Variants in IMPDH2 observed in about 807,000 individuals in gnomAD.
IMPDH2 encodes the protein inosine-5'-monophosphate dehydrogenase 2.
A neutral mutation model predicts 57.8 loss-of-function variants in IMPDH2; 33 were observed. The ratio of observed to expected loss-of-function variants is 0.57; its 90% CI spans 0.43 to 0.76. The LOEUF (loss-of-function observed/expected upper bound fraction) is 0.76, where lower values mean the gene tolerates loss of function less well. IMPDH2 is among the 30% of genes least tolerant of loss of function. The pLI, the probability that IMPDH2 is intolerant of heterozygous loss-of-function variation, is 0.00. For synonymous variants in IMPDH2, 270 were observed against 241.3 expected (o/e 1.12, Z -1.10); for missense variants, 446 against 659.1 (o/e 0.68, Z 3.54).
intron 4 of IMPDH2, 30 bp downstream of exon 4, chr3:49,028,218 G>A (rs1004472994): frequency 1.3e-6 from 2 of 1,581,194 alleles, no homozygotes; most frequent in African/African-American, 1.3e-5. Context: ...ATTCCCAGGA[G>A]CGCTTGCTAA....
At position 49,028,766 on chromosome 3, in the gene IMPDH2, C is replaced by T; in HGVS notation, c.139G>A (p.Asp47Asn). The change falls in exon 2 of 14, where the codon GAC becomes AAC. Residue 47 changes from aspartate to asparagine, a missense_variant. Transcript: ENST00000326739. ...ILPGYIDFTA[D>N]QVDLTSALTK... ...TTCCTGATCATACTCACCACCTGGT[C>T]TGCAGTGAAGTCGATGTACCCAGGG... 1 of 1,613,536 alleles carries T rather than the reference C, an allele frequency of 6.2e-7. No homozygotes were observed. Among genetic ancestry groups the T allele is most frequent in the Non-Finnish European group, 8.5e-7 (1 of 1,179,442 alleles).
chr3:49,025,924 C>T (rs2093196627), intron 9 of IMPDH2: 2 of 460,840 alleles, frequency 4.3e-6, no homozygotes, highest in Admixed American at 2.3e-5. Context: ...ACCCCGGGAG[C>T]TACAGCTACG....
intron 9 of IMPDH2, 168 bp from the exon 10 acceptor site, chr3:49,025,437 A>G: frequency 1.4e-6 from 1 of 706,092 alleles, no homozygotes; most frequent in South Asian, 1.6e-5. Flanking sequence ...TGCCTTAAAT[A>G]GTACAAACAG....
chr3:49,029,327 C>T lies in IMPDH2; in HGVS notation c.24G>A (p.Gly8=), dbSNP rs1206116794. 6.2e-7 allele frequency: 1 copy of T among 1,602,852 alleles called. No individual in the cohort carries two copies. The highest frequency in any genetic ancestry group is 8.5e-7 in the Non-Finnish European group (1 of 1,174,822). The part of the protein sequence containing the change: MADYLIS[G]GTSYVPDDGL... The stretch of plus-strand genomic sequence containing the variant: ...CGTCGTCTGGCACGTAGGACGTGCC[C>T]CCACTAATCAGGTAGTCGGCCATGG... Residue 8 remains glycine (G), a synonymous_variant, in exon 1 of 14, where the codon GGG becomes GGA. Coordinates refer to ENST00000326739, the MANE Select transcript of IMPDH2 (RefSeq NM_000884.3).
In IMPDH2 at chr3:49,026,786, G is replaced by A. The variant is rs11557544; in HGVS notation, c.720C>T (p.Ala240=). ...NRDYPLASKD[A]KKQLLCGAAI... is the part of the protein sequence containing the mutation. ...CTGCCCCACACAGCAGCTGTTTCTT[G>A]GCATCTTTGGAGGCTAGTGGGTAGT... Residue 240 remains alanine (A), a synonymous_variant, in exon 7 of 14, where the codon GCC becomes GCT. Transcript: ENST00000326739. 1 of 1,614,186 alleles carries A rather than the reference G, an allele frequency of 6.2e-7. No homozygotes were observed. The highest frequency in any genetic ancestry group is 8.5e-7 in the Non-Finnish European group (1 of 1,180,020).
In IMPDH2 at chr3:49,027,870, T is replaced by C. The variant is rs1364480763; in HGVS notation, c.371A>G (p.Lys124Arg). The C allele has an allele frequency of 6.2e-7, 1 of 1,614,198 alleles. No individual in the cohort carries two copies. Among genetic ancestry groups the C allele is most frequent in the Non-Finnish European group, 8.5e-7 (1 of 1,180,020 alleles). ...FITDPVVLSP[K>R]DRVRDVFEAK... The stretch of plus-strand genomic sequence containing the variant: ...CTCAAAAACATCCCGCACGCGATCC[T>C]TGGGGCTGAGGACCACAGGGTCTGT... Residue 124 changes from lysine to arginine, a missense_variant, in exon 5 of 14, where the codon AAG (lysine) becomes AGG (arginine). Transcript: ENST00000326739.
Position 49,027,700 on chromosome 3 carries a change from T to A in IMPDH2, c.531+10A>T. ...CTAGAGCTTGGATCTACTCTGCCAG[T>A]GGCACCCACCTCTTCCAAGAAACAG... On this transcript the variant is annotated intron_variant, in intron 5 of 13. Coordinates refer to ENST00000326739, the MANE Select transcript of IMPDH2 (RefSeq NM_000884.3). 6.2e-7 allele frequency: 1 copy of A among 1,612,816 alleles called. No individual in the cohort carries two copies. Among genetic ancestry groups the A allele is most frequent in the South Asian group, 1.1e-5 (1 of 91,050 alleles).
In IMPDH2 at chr3:49,026,885, T is replaced by C. The variant is rs960431347; in HGVS notation, c.621A>G (p.Gly207=). The change falls in exon 7 of 14, where the codon GGA becomes GGG. Residue 207 remains glycine (G), a splice_region_variant and synonymous_variant. Coordinates refer to ENST00000326739, the MANE Select transcript of IMPDH2 (RefSeq NM_000884.3). ...ANEILQRSKK[G]KLPIVNEDDE... is the part of the protein sequence containing the mutation. ...CATCTTCATTTACAATGGGCAACTT[T>C]CCTGTGGTCAGGGCAGGACATGAAT... 3.7e-6 allele frequency: 6 copies of C among 1,614,194 alleles called. No homozygotes were observed. The South Asian group carries it at 6.6e-5, about 18-fold the overall frequency.
intron 1 of IMPDH2, 81 bp downstream of exon 1, chr3:49,029,172 C>T: frequency 1.7e-6 from 2 of 1,150,278 alleles, no homozygotes; most frequent in Non-Finnish European, 1.3e-6. Context: ...ACGCCCAAGG[C>T]GGCTCTCGGA....
At chr3:49,026,911 C>T (rs1156938279) in intron 6 of IMPDH2, 25 bp from the exon 7 acceptor site, 5 of 1,613,858 alleles carry the variant, frequency 3.1e-6, no homozygotes, top group Non-Finnish European at 3.4e-6. Flanking sequence ...GGACATGAAT[C>T]AGGACCCTAG....
chr3:49,027,125 G>C, intron 5 of IMPDH2, 78 bp from the exon 6 acceptor site: 1 of 1,153,706 alleles, frequency 8.7e-7, no homozygotes, highest in Non-Finnish European at 1.3e-6. Context: ...TTCCCAAGTA[G>C]CTGAGCTCAG....
In IMPDH2 at chr3:49,024,417, G is replaced by GA; in HGVS notation, c.1524-14_1524-13insT. On this transcript the variant is annotated splice_polypyrimidine_tract_variant and intron_variant, in intron 13 of 13. Coordinates refer to ENST00000326739, the MANE Select transcript of IMPDH2 (RefSeq NM_000884.3). Reference sequence around the variant, plus strand: ...CCGCTTCTCATACCTGCAGGCAGAAGGACCACCTGTGAGGTGAGGGCAGGA... The same window carrying GA: ...CCGCTTCTCATACCTGCAGGCAGAAGAGACCACCTGTGAGGTGAGGGCAGGA... 2 of 1,614,166 alleles carry GA rather than the reference G, an allele frequency of 1.2e-6. No homozygotes were observed. Among genetic ancestry groups the GA allele is most frequent in the Non-Finnish European group, 1.7e-6 (2 of 1,180,016 alleles).
intron 9 of IMPDH2, 24 bp downstream of exon 9, chr3:49,026,300 G>A (rs2093199183): frequency 6.6e-7 from 1 of 1,513,990 alleles, no homozygotes; most frequent in Non-Finnish European, 9.1e-7. Flanking sequence ...GGTCTCTGTG[G>A]GCCCTATCAA....
intron 9 of IMPDH2, 56 bp from the exon 10 acceptor site, chr3:49,025,325 C>T (rs2093193531): frequency 6.2e-7 from 1 of 1,600,906 alleles, no homozygotes; most frequent in Non-Finnish European, 8.6e-7. Flanking sequence ...GGGCAGTGGA[C>T]CCTGTGGCCA....
At position 49,024,357 on chromosome 3, in the gene IMPDH2, A is replaced by AT; in HGVS notation, c.*25_*26insA. 6.2e-7 allele frequency: 1 copy of AT among 1,613,826 alleles called. No individual in the cohort carries two copies. Among genetic ancestry groups the AT allele is most frequent in the Non-Finnish European group, 8.5e-7 (1 of 1,179,836 alleles). ...TTTCTAAACTTTTATTGAAAAAAAA[A>AT]CCGAGGAGGTGTGCTGGATCCCTTT... On this transcript the variant is annotated 3_prime_UTR_variant, in exon 14 of 14. Coordinates refer to ENST00000326739, the MANE Select transcript of IMPDH2 (RefSeq NM_000884.3).
intron 8 of IMPDH2, 47 bp from the exon 9 acceptor site, chr3:49,026,466 G>A (rs1034820566): frequency 6.3e-7 from 1 of 1,597,436 alleles, no homozygotes; most frequent in South Asian, 1.1e-5. Context: ...TAAGGTGGGA[G>A]CCCAGCTTAC....
At chr3:49,026,220 G>A (rs1379173211) in intron 9 of IMPDH2, 104 bp downstream of exon 9, 1 of 862,452 alleles carries the variant, frequency 1.2e-6, no homozygotes, top group Non-Finnish European at 1.9e-6. Flanking sequence ...CCCCAGGGTT[G>A]CCCCTATTGG....
At chr3:49,024,472 C>T (rs1443822098) in intron 13 of IMPDH2, 23 bp downstream of exon 13, 6 of 1,613,844 alleles carry the variant, frequency 3.7e-6, no homozygotes, top group Non-Finnish European at 4.2e-6. Context: ...GGCAGAGGCC[C>T]CACCAAGGAC....
chr3:49,025,467 C>T (rs2093194307), intron 9 of IMPDH2, 198 bp from the exon 10 acceptor site: 1 of 611,532 alleles, frequency 1.6e-6, no homozygotes, highest in Admixed American at 2.8e-5. Context: ...CCTCTACTCA[C>T]CCCCACATGT....
Sources: allele counts gnomAD v4.1 joint callset, GRCh38; gene constraint gnomAD v4.1.1; transcripts MANE v1.5; gene names NCBI Gene and HGNC (gene_info 2026-07-23, HGNC 2026-07-21).